The following PKHD1 variants were observed in gnomAD, a reference collection of about 807,000 sequenced individuals.
PKHD1 encodes PKHD1 ciliary IPT domain containing fibrocystin/polyductin.
In PKHD1, 291 loss-of-function variants were observed where a neutral mutation model predicts 412.0. The ratio of observed to expected loss-of-function variants is 0.71; its 90% CI spans 0.64 to 0.78. PKHD1 has a LOEUF of 0.78. Among genes scored for constraint, PKHD1 ranks in the 30% least tolerant of loss-of-function variants. The pLI is 0.00. For missense variants in PKHD1, 4,825 were observed against 4,950.7 expected (o/e 0.97, Z 0.76); for synonymous variants, 1,777 against 1,821.5 (o/e 0.98, Z 0.62).
intron 52 of PKHD1, among the ~76,000 whole-genome samples, chr6:51,814,850 C>T (rs1025097913): frequency 9.2e-5 from 14 of 152,168 alleles, no homozygotes; most frequent in South Asian, 4.1e-4. Context: ...AGAAAAGGAA[C>T]GAACCCACCC....
chr6:51,856,360 G>A (rs943439363), intron 48 of PKHD1, among the ~76,000 whole-genome samples: 1 of 152,132 alleles, frequency 6.6e-6, no homozygotes, highest in African/African-American at 2.4e-5. Context: ...TCCTTGAGAC[G>A]GAGTTTCGCT....
chr6:51,972,245 T>C lies in PKHD1; in HGVS notation c.5752-12219A>G, dbSNP rs997716621. 3.3e-5 allele frequency among the ~76,000 whole-genome samples: 5 copies of C among 152,354 alleles called. No homozygotes were observed. In the South Asian group the frequency reaches 8.3e-4, roughly 25 times the overall value. Reference sequence around the variant, plus strand: ...TCAGGAACAAGAAAAACTCATTCTGTACCTATATCTTCACTAGCCTTGACT... The same window carrying C: ...TCAGGAACAAGAAAAACTCATTCTGCACCTATATCTTCACTAGCCTTGACT... On this transcript the variant is annotated intron_variant, in intron 35 of 66. Coordinates refer to ENST00000371117, the MANE Select transcript of PKHD1 (RefSeq NM_138694.4).
rs369626030 is a variant in PKHD1 at position 51,934,134 on chromosome 6, T to C, written c.6097A>G (p.Arg2033Gly). 24 of 1,613,234 alleles carry C rather than the reference T, an allele frequency of 1.5e-5. No homozygotes were observed. Among genetic ancestry groups the C allele is most frequent in the African/African-American group, 2.7e-5 (2 of 74,916 alleles). ...CCGTGCAGAGAAAGAGTTCCATTCC[T>C]CACAGCCAGGAACTTGACTCCATAG... ...FPYGVKFLAVRNGTLSLHGSL... is the reference protein window; with the variant it reads ...FPYGVKFLAVGNGTLSLHGSL... The change falls in exon 37 of 67, where the codon AGG becomes GGG. Residue 2033 changes from arginine (R) to glycine (G), a missense_variant. Physicochemically the swap from Arg to Gly is moderately radical, Grantham distance 125 (BLOSUM62 -2). Coordinates refer to ENST00000371117, the MANE Select transcript of PKHD1 (RefSeq NM_138694.4).
In PKHD1 at chr6:51,845,757, C is replaced by T. The variant is rs192668225; in HGVS notation, c.8107+2018G>A. Reference sequence around the variant, plus strand: ...TGTGTATATATAATAGTATAACTTGCTATTAATTCAATTAATAATGCTATC... The same window carrying T: ...TGTGTATATATAATAGTATAACTTGTTATTAATTCAATTAATAATGCTATC... On this transcript the variant is annotated intron_variant, in intron 50 of 66. Coordinates refer to ENST00000371117, the MANE Select transcript of PKHD1 (RefSeq NM_138694.4). Among the ~76,000 whole-genome samples, 67 of 152,234 alleles carry T rather than the reference C, an allele frequency of 4.4e-4. No individual in the cohort carries two copies. In the East Asian group the frequency reaches 6.0e-3, roughly 14 times the overall value.
chr6:52,015,773 G>A (rs547840437), intron 34 of PKHD1, among the ~76,000 whole-genome samples: 11 of 151,560 alleles, frequency 7.3e-5, no homozygotes, highest in Non-Finnish European at 1.5e-4. Context: ...GCAGTGAACC[G>A]AGATCTTGCC....
chr6:52,073,543 T>G lies in PKHD1; in HGVS notation c.449-2A>C. 2.5e-6 allele frequency: 4 copies of G among 1,578,982 alleles called. No homozygotes were observed. Among genetic ancestry groups the G allele is most frequent in the Non-Finnish European group, 3.5e-6 (4 of 1,148,176 alleles). Reference sequence around the variant, plus strand: ...AGCCATATACATGTATTAGTTTTCCTGTTTGAAGAAGAATTTTTTTAATTT... The same window carrying G: ...AGCCATATACATGTATTAGTTTTCCGGTTTGAAGAAGAATTTTTTTAATTT... On this transcript the variant is annotated splice_acceptor_variant, in intron 6 of 66. Coordinates refer to ENST00000371117, the MANE Select transcript of PKHD1 (RefSeq NM_138694.4). LOFTEE classifies it high-confidence loss of function.
chr6:52,069,163 C>T (rs1383858716), intron 11 of PKHD1, among the ~76,000 whole-genome samples: 1 of 152,188 alleles, frequency 6.6e-6, no homozygotes, highest in Non-Finnish European at 1.5e-5. Flanking sequence ...TTAAGTGCCA[C>T]CTTTTTTCTT....
intron 32 of PKHD1, among the ~76,000 whole-genome samples, chr6:52,023,437 T>C (rs757848758): frequency 6.6e-6 from 1 of 152,220 alleles, no homozygotes; most frequent in Non-Finnish European, 1.5e-5. Context: ...CAAAACTCTA[T>C]GGATCCAGTT....
chr6:51,824,863 T>C (rs1211232671), intron 52 of PKHD1, among the ~76,000 whole-genome samples: 1 of 152,184 alleles, frequency 6.6e-6, no homozygotes, highest in Non-Finnish European at 1.5e-5. Flanking sequence ...CCATTCCCAC[T>C]GCAAAGTGAG....
intron 60 of PKHD1, among the ~76,000 whole-genome samples, chr6:51,669,101 G>A (rs1308431566): frequency 6.6e-6 from 1 of 152,138 alleles, no homozygotes; most frequent in Non-Finnish European, 1.5e-5. Flanking sequence ...CTATTGATTG[G>A]AATAGTTTCA....
chr6:51,797,006 G>T (rs985774016), intron 52 of PKHD1, among the ~76,000 whole-genome samples: 3 of 151,936 alleles, frequency 2.0e-5, no homozygotes, highest in Non-Finnish European at 2.9e-5. Context: ...TAAAGACAGG[G>T]TTTCACCGTG....
intron 60 of PKHD1, among the ~76,000 whole-genome samples, chr6:51,666,856 C>T (rs1773892722): frequency 6.6e-6 from 1 of 151,978 alleles, no homozygotes; most frequent in African/African-American, 2.4e-5. Flanking sequence ...CATCCATGTC[C>T]CTACAAAGGA....
chr6:51,707,311 C>G (rs1562139175), intron 60 of PKHD1, among the ~76,000 whole-genome samples: 1 of 152,138 alleles, frequency 6.6e-6, no homozygotes, highest in Non-Finnish European at 1.5e-5. Flanking sequence ...AAAAGGCCCT[C>G]TAGCCTACAG....
chr6:51,619,168 A>G lies in PKHD1; in HGVS notation c.12138T>C (p.Leu4046=). 1 of 1,614,230 alleles carries G rather than the reference A, an allele frequency of 6.2e-7. No homozygotes were observed. The highest frequency in any genetic ancestry group is 1.1e-5 in the South Asian group (1 of 91,090). The change falls in exon 67 of 67, where the codon CTT becomes CTC. Residue 4046 remains leucine (L), a synonymous_variant. Coordinates refer to ENST00000371117, the MANE Select transcript of PKHD1 (RefSeq NM_138694.4). The part of the protein sequence containing the change: ...RLSKQSGSLG[L]SQEKKASCGA... ...CGCAGGAGGCTTTCTTCTCTTGGGAAAGCCCCAAGCTGCCACTTTGCTTAC... is the reference window on the plus strand; with the variant it reads ...CGCAGGAGGCTTTCTTCTCTTGGGAGAGCCCCAAGCTGCCACTTTGCTTAC...
intron 36 of PKHD1, among the ~76,000 whole-genome samples, chr6:51,942,880 C>T (rs1788800707): frequency 6.6e-6 from 1 of 151,520 alleles, no homozygotes; most frequent in Admixed American, 6.6e-5. Context: ...TATTCAGGCC[C>T]CCTCCCCTCC....
At chr6:51,810,858 A>C (rs771303192) in intron 52 of PKHD1, among the ~76,000 whole-genome samples, 1 of 152,174 alleles carries the variant, frequency 6.6e-6, no homozygotes, top group African/African-American at 2.4e-5. Context: ...AAGAAAGTAC[A>C]ATCTTGGGGA....
intron 36 of PKHD1, among the ~76,000 whole-genome samples, chr6:51,958,551 A>C (rs1278031681): frequency 1.3e-5 from 2 of 152,108 alleles, no homozygotes; most frequent in African/African-American, 4.8e-5. Context: ...GTAACAGTAC[A>C]TCCAGAGATT....
chr6:51,642,658 G>A (rs772553959), intron 63 of PKHD1, among the ~76,000 whole-genome samples: 3 of 152,112 alleles, frequency 2.0e-5, no homozygotes, highest in Non-Finnish European at 2.9e-5. Flanking sequence ...TGGCCAACAC[G>A]GCAAAACCCC....
At chr6:51,756,814 C>G (rs1787091975) in intron 55 of PKHD1, among the ~76,000 whole-genome samples, 1 of 151,368 alleles carries the variant, frequency 6.6e-6, no homozygotes, top group Non-Finnish European at 1.5e-5. Context: ...TGAAATTAAT[C>G]CTTTACTTCA....
Sources: gnomAD v4.1 joint callset for allele counts (sites outside exome capture counted in the v4.1 genomes callset) on GRCh38, gnomAD v4.1.1 for gene constraint, MANE v1.5 for transcripts, NCBI Gene and HGNC (gene_info 2026-07-23, HGNC 2026-07-21) for gene names.